The following PPP2R2C variants were observed in gnomAD, a reference collection of about 807,000 sequenced individuals.
PPP2R2C encodes protein phosphatase 2, regulatory subunit B, gamma.
A neutral mutation model predicts 45.3 loss-of-function variants in PPP2R2C; 10 were observed. The ratio of observed to expected loss-of-function variants is 0.22; its 90% CI spans 0.14 to 0.37. The LOEUF is 0.37. Ranked by LOEUF, PPP2R2C falls within the 10% of genes least tolerant of loss-of-function variation. The pLI is 1.00. For synonymous variants in PPP2R2C, 257 were observed against 245.4 expected (o/e 1.05, Z -0.44); for missense variants, 308 against 619.7 (o/e 0.50, Z 5.34).
chr4:6,347,789 TCCCACCCGCCCGCCTGCCCAATGCACA>T, intron 6 of PPP2R2C, 30 bp downstream of exon 6: 6 of 1,033,588 alleles, frequency 5.8e-6, no homozygotes, highest in Non-Finnish European at 5.5e-6. Context: ...GGACAGGACA[TCCCACCCGCCCGCCTGCCCAATGCACA>T]GCCCCCCACC....
At chr4:6,465,342 A>T (rs192262997) in intron 1 of PPP2R2C, among the ~76,000 whole-genome samples, 1 of 152,144 alleles carries the variant, frequency 6.6e-6, no homozygotes, top group Non-Finnish European at 1.5e-5. Flanking sequence ...GTGAGAGAGG[A>T]GCACGGACAT....
At chr4:6,386,655 C>G (rs1716236980) in intron 1 of PPP2R2C, among the ~76,000 whole-genome samples, 2 of 152,288 alleles carry the variant, frequency 1.3e-5, no homozygotes, top group South Asian at 2.1e-4. Context: ...CGCTCTTATG[C>G]TATCATTCAC....
intron 1 of PPP2R2C, among the ~76,000 whole-genome samples, chr4:6,452,423 G>A (rs1720783306): frequency 6.6e-6 from 1 of 152,164 alleles, no homozygotes; most frequent in Non-Finnish European, 1.5e-5. Flanking sequence ...CCCGTCTGGG[G>A]CCTGGACCCT....
chr4:6,467,407 G>GT (rs1299113324), intron 1 of PPP2R2C, among the ~76,000 whole-genome samples: 3 of 152,082 alleles, frequency 2.0e-5, no homozygotes, highest in Non-Finnish European at 2.9e-5. Flanking sequence ...CAGAGAGACC[G>GT]TGTGACCTGC....
chr4:6,529,234 C>G (rs1246568061), intron 2 of PPP2R2C, among the ~76,000 whole-genome samples: 1 of 152,218 alleles, frequency 6.6e-6, no homozygotes, highest in Non-Finnish European at 1.5e-5. Flanking sequence ...GTCAAGGAAG[C>G]GACGCAGGAG....
At chr4:6,429,383 C>A (rs886883537) in intron 1 of PPP2R2C, among the ~76,000 whole-genome samples, 9 of 152,094 alleles carry the variant, frequency 5.9e-5, no homozygotes, top group Non-Finnish European at 1.3e-4. Context: ...GGCCCTCGTA[C>A]CTGGTAGGAA....
chr4:6,456,699 AC>A (rs1192060287), intron 1 of PPP2R2C, among the ~76,000 whole-genome samples: 1 of 152,188 alleles, frequency 6.6e-6, no homozygotes, highest in Non-Finnish European at 1.5e-5. Flanking sequence ...CTCACGGTGA[AC>A]CACGGGCTGC....
At chr4:6,425,435 A>C (rs1265884976) in intron 1 of PPP2R2C, among the ~76,000 whole-genome samples, 2 of 152,102 alleles carry the variant, frequency 1.3e-5, no homozygotes, top group African/African-American at 2.4e-5. Flanking sequence ...GCCCCTCCTC[A>C]TGAGTCATGT....
intron 4 of PPP2R2C, 121 bp from the exon 5 acceptor site, chr4:6,372,821 T>C: frequency 1.0e-6 from 1 of 1,001,730 alleles, no homozygotes; most frequent in Non-Finnish European, 1.5e-6. Flanking sequence ...TCCATCCTGA[T>C]CCTCCGTGGT....
At chr4:6,432,809 T>C (rs1203047472) in intron 1 of PPP2R2C, among the ~76,000 whole-genome samples, 1 of 152,190 alleles carries the variant, frequency 6.6e-6, no homozygotes, top group Non-Finnish European at 1.5e-5. Context: ...AGAATACAGT[T>C]GACCCTCAAA....
chr4:6,530,706 C>T (rs559623133), intron 2 of PPP2R2C, among the ~76,000 whole-genome samples: 1 of 152,224 alleles, frequency 6.6e-6, no homozygotes, highest in Non-Finnish European at 1.5e-5. Context: ...CAAATGGACA[C>T]TGCCCCATCC....
At position 6,503,591 on chromosome 4, in the gene PPP2R2C, T is replaced by C. The variant is rs139196932; in HGVS notation, c.49+31680A>G. The stretch of plus-strand genomic sequence containing the variant: ...ATTTACAGGCTCATGGGAGACCCCA[T>C]AAATAACCAATTTGACAGTTTTGTG... On this transcript the variant is annotated intron_variant, in intron 2 of 9. Coordinates refer to the PPP2R2C transcript ENST00000506140. Among the ~76,000 whole-genome samples, 85 of 152,256 alleles carry C rather than the reference T, an allele frequency of 5.6e-4. No individual in the cohort carries two copies. In the East Asian group the frequency reaches 0.014, roughly 26 times the overall value.
chr4:6,526,716 G>A (rs753244128), intron 2 of PPP2R2C, among the ~76,000 whole-genome samples: 4 of 152,296 alleles, frequency 2.6e-5, no homozygotes, highest in Non-Finnish European at 4.4e-5. Context: ...GGGCTCCAGC[G>A]ACCCAATTGG....
At chr4:6,510,732 C>T (rs1723401353) in intron 2 of PPP2R2C, among the ~76,000 whole-genome samples, 1 of 152,110 alleles carries the variant, frequency 6.6e-6, no homozygotes, top group Non-Finnish European at 1.5e-5. Flanking sequence ...AATCCCAGCA[C>T]TTTGGGAGGC....
intron 1 of PPP2R2C, among the ~76,000 whole-genome samples, chr4:6,540,673 C>T (rs1406786210): frequency 6.6e-6 from 1 of 152,248 alleles, no homozygotes; most frequent in Non-Finnish European, 1.5e-5. Flanking sequence ...AGTGGCTACA[C>T]CATTTCACGT....
rs1157349765 is a variant in PPP2R2C, at chr4:6,322,376, A to G, written c.*926T>C. On this transcript the variant is annotated 3_prime_UTR_variant, in exon 9 of 9. Transcript: ENST00000382599. This position sits in a 1 kb window ranked among gnomAD's most constrained non-coding sequence, Gnocchi z 7.8. ...GCCCAGAGCCTGGCACGCTTCGAGAAGTTGGTGTTTATGGAGGAAATGAAT... is the reference window on the plus strand; with the variant it reads ...GCCCAGAGCCTGGCACGCTTCGAGAGGTTGGTGTTTATGGAGGAAATGAAT... 3 of 152,226 alleles carry G rather than the reference A, an allele frequency of 2.0e-5. No individual in the cohort carries two copies. The highest frequency in any genetic ancestry group is 4.4e-5 in the Non-Finnish European group (3 of 68,046). The allele number at this position is 152,226 out of a possible 1,614,324, so 9.4% of individuals were successfully genotyped here. A position where few individuals can be genotyped will look rare whatever the true frequency, so the allele number is the denominator to read the frequency against.
intron 5 of PPP2R2C, among the ~76,000 whole-genome samples, chr4:6,359,928 A>G (rs1417372813): frequency 1.3e-5 from 2 of 152,278 alleles, no homozygotes; most frequent in African/African-American, 4.8e-5. Context: ...GGAGCTCAAG[A>G]GAGAAGCAAG....
chr4:6,364,662 T>C lies in PPP2R2C; in HGVS notation c.625+7861A>G, dbSNP rs932648181. ...GTATGGTGTCAGCAGGGGCTTTTCCTCGCTTTACAGGTGAGGAGCTGAGGC... is the reference window on the plus strand; with the variant it reads ...GTATGGTGTCAGCAGGGGCTTTTCCCCGCTTTACAGGTGAGGAGCTGAGGC... On this transcript the variant is annotated intron_variant, in intron 5 of 8. Coordinates refer to ENST00000382599, the MANE Select transcript of PPP2R2C (RefSeq NM_020416.4). This position sits in a 1 kb window ranked among gnomAD's most constrained non-coding sequence, Gnocchi z 5.3. Among the ~76,000 whole-genome samples, 5 of 152,132 alleles carry C rather than the reference T, an allele frequency of 3.3e-5. No individual in the cohort carries two copies. Among genetic ancestry groups the C allele is most frequent in the Non-Finnish European group, 5.9e-5 (4 of 68,022 alleles).
chr4:6,410,044 A>G (rs886271651), intron 1 of PPP2R2C, among the ~76,000 whole-genome samples: 1 of 152,168 alleles, frequency 6.6e-6, no homozygotes, highest in Non-Finnish European at 1.5e-5. Flanking sequence ...TTACTTAAGC[A>G]GAGGGGGCTC....
Sources: gnomAD v4.1 joint callset for allele counts (sites outside exome capture counted in the v4.1 genomes callset) on GRCh38, gnomAD v4.1.1 for gene constraint, Gnocchi (gnomAD v3.1) non-coding constraint, MANE v1.5 for transcripts, NCBI Gene and HGNC (gene_info 2026-07-23, HGNC 2026-07-21) for gene names.